Variants in DIAPH2 observed in about 807,000 individuals in gnomAD.
DIAPH2 encodes diaphanous related formin 2.
In DIAPH2, 35 loss-of-function variants were observed where a neutral mutation model predicts 92.7. The ratio of observed to expected loss-of-function variants is 0.38; its 90% CI spans 0.29 to 0.50. The LOEUF is 0.50. Among genes scored for constraint, DIAPH2 ranks in the 20% least tolerant of loss-of-function variants. DIAPH2 has a pLI of 0.94. For synonymous variants in DIAPH2, 301 were observed against 280.4 expected (o/e 1.07, Z -0.73); for missense variants, 701 against 819.5 (o/e 0.86, Z 1.77).
intron 26 of DIAPH2, among the ~76,000 whole-genome samples, chrX:97,580,171 G>C (rs1301187200): frequency 9.5e-6 from 1 of 105,396 alleles, no homozygotes; most frequent in East Asian, 3.0e-4. Flanking sequence ...TCCTTCTCCT[G>C]CCTAATTGCC....
At chrX:97,035,776 A>G (rs1287663561) in intron 17 of DIAPH2, among the ~76,000 whole-genome samples, 1 of 110,694 alleles carries the variant, frequency 9.0e-6, no homozygotes, top group Non-Finnish European at 1.9e-5. Context: ...TGGGAGGCTG[A>G]GATGGGCGGA....
chrX:97,292,652 T>C (rs1006165513), intron 23 of DIAPH2, among the ~76,000 whole-genome samples: 1 of 108,590 alleles, frequency 9.2e-6, no homozygotes. Context: ...GTTCAAGCGA[T>C]TCCCCTGCCT....
At chrX:97,158,677 G>C (rs940149721) in intron 22 of DIAPH2, among the ~76,000 whole-genome samples, 4 of 112,275 alleles carry the variant, frequency 3.6e-5, no homozygotes. Flanking sequence ...TTAAACTGTT[G>C]TGGAACATTA....
chrX:96,725,999 T>C (rs2064018091), intron 1 of DIAPH2, among the ~76,000 whole-genome samples: 1 of 111,978 alleles, frequency 8.9e-6, no homozygotes, highest in African/African-American at 3.2e-5. Context: ...GTGATAATCA[T>C]AGCCATTTAG....
At chrX:96,698,557 A>T (rs955637695) in intron 1 of DIAPH2, among the ~76,000 whole-genome samples, 2 of 110,884 alleles carry the variant, frequency 1.8e-5, no homozygotes, top group Non-Finnish European at 3.8e-5. Context: ...ACAATATGGA[A>T]GTGCATAATG....
chrX:96,916,341 G>A, intron 7 of DIAPH2, 97 bp from the exon 8 acceptor site: 1 of 765,521 alleles, frequency 1.3e-6, no homozygotes. Context: ...TCATTGTGGG[G>A]GTATGGGTTT....
intron 26 of DIAPH2, chrX:97,442,954 C>T (rs1436604266): frequency 8.9e-6 from 1 of 111,970 alleles, no homozygotes; most frequent in Non-Finnish European, 1.9e-5. Context: ...ATGATCATGG[C>T]TCTTTGCAGC....
chrX:96,886,783 T>G (rs1402383766), intron 5 of DIAPH2, among the ~76,000 whole-genome samples: 2 of 111,307 alleles, frequency 1.8e-5, no homozygotes, highest in African/African-American at 6.5e-5. Flanking sequence ...TTTGTGACAT[T>G]AAAATCTGAT....
At chrX:97,567,300 G>C (rs1460265642) in intron 26 of DIAPH2, among the ~76,000 whole-genome samples, 1 of 111,771 alleles carries the variant, frequency 8.9e-6, no homozygotes, top group Non-Finnish European at 1.9e-5. Context: ...TGCACAACCT[G>C]AATTCTTTGT....
chrX:96,692,624 G>T (rs980284928), intron 1 of DIAPH2, among the ~76,000 whole-genome samples: 17 of 112,070 alleles, frequency 1.5e-4, no homozygotes, highest in Admixed American at 1.0e-3. Flanking sequence ...CAGCTGTTAT[G>T]TACCATCAAA....
At chrX:97,277,380 G>A (rs1265664119) in intron 23 of DIAPH2, among the ~76,000 whole-genome samples, 1 of 111,526 alleles carries the variant, frequency 9.0e-6, no homozygotes, top group East Asian at 2.8e-4. Context: ...ACACTGCAAC[G>A]GGGTGCCTTT....
chrX:96,767,587 A>G (rs1428040259), intron 4 of DIAPH2, among the ~76,000 whole-genome samples: 2 of 112,109 alleles, frequency 1.8e-5, no homozygotes, highest in Non-Finnish European at 3.8e-5. Flanking sequence ...TATGAAAGAC[A>G]TAAAACATAA....
At chrX:97,487,937 C>T (rs1175859039) in intron 26 of DIAPH2, among the ~76,000 whole-genome samples, 1 of 112,161 alleles carries the variant, frequency 8.9e-6, no homozygotes, top group East Asian at 2.8e-4. Context: ...CTATTCAAAA[C>T]CTTTCCTTAT....
chrX:97,586,581 G>C (rs1051181748), intron 26 of DIAPH2, among the ~76,000 whole-genome samples: 1 of 111,437 alleles, frequency 9.0e-6, no homozygotes, highest in African/African-American at 3.3e-5. Context: ...TACTGATTTT[G>C]TTTGTCATCT....
chrX:97,350,771 A>T (rs759529284), intron 24 of DIAPH2, among the ~76,000 whole-genome samples: 2 of 112,062 alleles, frequency 1.8e-5, no homozygotes, highest in Non-Finnish European at 3.8e-5. Flanking sequence ...TTCGAATTTC[A>T]GAGATGGCAG....
intron 22 of DIAPH2, among the ~76,000 whole-genome samples, chrX:97,191,802 A>G (rs1346869531): frequency 9.0e-6 from 1 of 111,447 alleles, no homozygotes; most frequent in African/African-American, 3.3e-5. Context: ...GAAGAAAGAA[A>G]AGTGACTGGA....
intron 1 of DIAPH2, among the ~76,000 whole-genome samples, chrX:96,716,614 A>C (rs1037612774): frequency 1.8e-5 from 2 of 111,240 alleles, no homozygotes; most frequent in Non-Finnish European, 3.8e-5. Flanking sequence ...AAGGGGTTAT[A>C]CCTCTTGGTT....
chrX:97,089,412 T>C (rs750903542), intron 19 of DIAPH2, among the ~76,000 whole-genome samples: 1 of 111,661 alleles, frequency 9.0e-6, no homozygotes, highest in Non-Finnish European at 1.9e-5. Context: ...AGTAACTAGT[T>C]GGTGGCACAG....
intron 9 of DIAPH2, among the ~76,000 whole-genome samples, chrX:96,924,918 T>A (rs2065570171): frequency 9.0e-6 from 1 of 111,421 alleles, no homozygotes; most frequent in South Asian, 3.8e-4. Context: ...GACATGAGAT[T>A]TGAGTGGGGA....
Sources: gnomAD v4.1 joint callset for allele counts (sites outside exome capture counted in the v4.1 genomes callset) on GRCh38, gnomAD v4.1.1 for gene constraint, MANE v1.5 for transcripts, NCBI Gene and HGNC (gene_info 2026-07-23, HGNC 2026-07-21) for gene names.